MLXIP: variants seen among roughly 807,000 people sequenced by gnomAD.
MLXIP encodes MLX-interacting protein.
Under a neutral mutation model 87.2 loss-of-function variants are expected in MLXIP, and 30 were observed. That is an observed-to-expected ratio of 0.34 (90% confidence interval 0.26 to 0.47). MLXIP has a LOEUF of 0.47. Ranked by LOEUF, MLXIP falls within the 20% of genes least tolerant of loss-of-function variation. The probability of loss-of-function intolerance (pLI) is 1.00; values close to 1 mark genes in which losing one functional copy is unlikely to be tolerated. For synonymous variants in MLXIP, 530 were observed against 514.0 expected, an observed-to-expected ratio of 1.03 and a Z score of -0.42; for missense variants, 1,002 against 1,240.1, an observed-to-expected ratio of 0.81 and a Z score of 2.88.
At position 122,133,556 on chromosome 12, in the gene MLXIP, T is replaced by C. The variant is rs773106076; in HGVS notation, c.1301T>C (p.Met434Thr). 38 of 1,606,814 alleles carry C rather than the reference T, an allele frequency of 2.4e-5. No individual in the cohort carries two copies. Among genetic ancestry groups the C allele is most frequent in the South Asian group, 1.8e-4 (16 of 89,986 alleles). Reference sequence around the variant, plus strand: ...CAGCCCTTCCTCCCTGTCTTCACCATGCCCCTGCTGTCTCCCAGCCCCGCC... The same window carrying C: ...CAGCCCTTCCTCCCTGTCTTCACCACGCCCCTGCTGTCTCCCAGCCCCGCC... ...VPQPFLPVFT[M>T]PLLSPSPAPP... is the part of the protein sequence containing the mutation. Residue 434 changes from methionine (M) to threonine (T), a missense_variant, in exon 9 of 17, where the codon ATG becomes ACG. Transcript: ENST00000319080. This position sits in a 1 kb window ranked among gnomAD's most constrained non-coding sequence, Gnocchi z 4.9.
chr12:122,136,885 C>G (rs993326293), intron 11 of MLXIP: 1 of 152,148 alleles, frequency 6.6e-6, no homozygotes, highest in Non-Finnish European at 1.5e-5. Context: ...TCCGGAGTCT[C>G]AGAACACAGA....
chr12:122,130,946 G>A lies in MLXIP; in HGVS notation c.1000+13G>A, dbSNP rs767035595. ...GAGCCTTTCCAGGGTGAGGACCAGA[G>A]GCAGAGAGAGCACGGTTGCCTCCAT... On this transcript the variant is annotated intron_variant, in intron 7 of 16. Transcript: ENST00000319080. 13 of 1,589,892 alleles carry A rather than the reference G, an allele frequency of 8.2e-6. No homozygotes were observed. Among genetic ancestry groups the A allele is most frequent in the Non-Finnish European group, 1.7e-6 (2 of 1,158,016 alleles).
chr12:122,112,642 A>G (rs1160006893), intron 1 of MLXIP, among the ~76,000 whole-genome samples: 1 of 151,412 alleles, frequency 6.6e-6, no homozygotes, highest in Admixed American at 6.6e-5. Flanking sequence ...GCGAGACTCC[A>G]TCTCAAAAAA....
In MLXIP at chr12:122,135,395, C is replaced by T. The variant is rs1953069161; in HGVS notation, c.1854+50C>T. The T allele has an allele frequency of 1.2e-6, 2 of 1,601,086 alleles. No individual in the cohort carries two copies. On this transcript the variant is annotated intron_variant, in intron 10 of 16. Coordinates refer to ENST00000319080, the MANE Select transcript of MLXIP (RefSeq NM_014938.6). This position sits in a 1 kb window ranked among gnomAD's most constrained non-coding sequence, Gnocchi z 5.3. The stretch of plus-strand genomic sequence containing the variant: ...GCAGTGTCCTTCTCACCCCGGAGCA[C>T]TCTGATCTTGGGCGGCCCTCACCTG...
intron 1 of MLXIP, 110 bp from the exon 2 acceptor site, chr12:122,127,146 G>C: frequency 1.2e-6 from 1 of 831,626 alleles, no homozygotes; most frequent in Admixed American, 2.0e-5. Context: ...GTGTATGGCT[G>C]GGGGTGGATC....
chr12:122,086,136 G>A (rs947916561), intron 1 of MLXIP, among the ~76,000 whole-genome samples: 4 of 152,188 alleles, frequency 2.6e-5, no homozygotes, highest in Non-Finnish European at 4.4e-5. Context: ...AAAAGGCGAG[G>A]GGACGGGTTC....
At chr12:122,126,354 G>GTT (rs1952881118) in intron 1 of MLXIP, among the ~76,000 whole-genome samples, 1 of 152,224 alleles carries the variant, frequency 6.6e-6, no homozygotes, top group South Asian at 2.1e-4. Flanking sequence ...AAGAGCTCCC[G>GTT]TGAGACCGTC....
intron 14 of MLXIP, 52 bp downstream of exon 14, chr12:122,138,603 G>A: frequency 6.4e-7 from 1 of 1,570,272 alleles, no homozygotes; most frequent in South Asian, 1.2e-5. Context: ...CCGATGCAGG[G>A]CCTGCCTCAG....
In MLXIP at chr12:122,105,583, T is replaced by C. The variant is rs188277097; in HGVS notation, c.414-21673T>C. 8.5e-5 allele frequency among the ~76,000 whole-genome samples: 13 copies of C among 152,236 alleles called. No individual in the cohort carries two copies. The East Asian group carries it at 2.3e-3, about 27-fold the overall frequency. On this transcript the variant is annotated intron_variant, in intron 1 of 16. Coordinates refer to ENST00000319080, the MANE Select transcript of MLXIP (RefSeq NM_014938.6). ...AACTCCCGACCTCAGGTGATCTGCC[T>C]GACTCGGCCTCCCAAAGTGCTGGGA...
chr12:122,080,820 C>G (rs1368967208), intron 1 of MLXIP, among the ~76,000 whole-genome samples: 2 of 152,230 alleles, frequency 1.3e-5, no homozygotes, highest in African/African-American at 4.8e-5. Flanking sequence ...GCAGCATATG[C>G]TATGCCTCGA....
intron 1 of MLXIP, among the ~76,000 whole-genome samples, chr12:122,120,284 AC>A (rs1374638330): frequency 6.6e-6 from 1 of 151,396 alleles, no homozygotes; most frequent in Non-Finnish European, 1.5e-5. Flanking sequence ...GTGCAGTGGT[AC>A]AATAGTGGCT....
At chr12:122,097,082 G>A (rs945753779) in intron 1 of MLXIP, among the ~76,000 whole-genome samples, 1 of 152,234 alleles carries the variant, frequency 6.6e-6, no homozygotes, top group African/African-American at 2.4e-5. Context: ...TGGTGCTTCC[G>A]TGGGCCTGTC....
Position 122,141,006 on chromosome 12 carries a change from C to T in MLXIP, c.2561C>T (p.Thr854Ile). 6.2e-7 allele frequency: 1 copy of T among 1,614,024 alleles called. No homozygotes were observed. The highest frequency in any genetic ancestry group is 2.2e-5 in the East Asian group (1 of 44,894). ...LFESFKGMVS[T>I]SSLEELHRTA... ...GAGTCGTTCAAGGGCATGGTGTCCA[C>T]CAGCAGCCTGGAGGAGCTGCACCGG... is the stretch of plus-strand genomic sequence containing the variant. The change falls in exon 16 of 17, where the codon ACC (threonine) becomes ATC (isoleucine). Residue 854 changes from threonine to isoleucine, a missense_variant. Thr to Ile is a moderately conservative substitution (Grantham distance 89, BLOSUM62 -1). Coordinates refer to ENST00000319080, the MANE Select transcript of MLXIP (RefSeq NM_014938.6).
intron 1 of MLXIP, among the ~76,000 whole-genome samples, chr12:122,099,191 C>T (rs1229856588): frequency 6.6e-6 from 1 of 152,208 alleles, no homozygotes; most frequent in African/African-American, 2.4e-5. Context: ...GAACCATGAT[C>T]GTGCCACTGC....
intron 1 of MLXIP, among the ~76,000 whole-genome samples, chr12:122,103,800 A>T (rs1250551074): frequency 6.7e-6 from 1 of 148,628 alleles, no homozygotes; most frequent in African/African-American, 2.5e-5. Context: ...AAGTGCTGGG[A>T]TTACAGGTGT....
Position 122,145,701 on chromosome 12 carries a change from T to C in MLXIP, c.*3889T>C, listed in dbSNP as rs961328158. ...TGAGGTCTCGCTGTCTGCTGGACAG[T>C]ACGTTAGGCTCTCAGAACTCATGGG... is the stretch of plus-strand genomic sequence containing the variant. On this transcript the variant is annotated 3_prime_UTR_variant, in exon 17 of 17. Coordinates refer to ENST00000319080, the MANE Select transcript of MLXIP (RefSeq NM_014938.6). 5 of 152,258 alleles carry C rather than the reference T, an allele frequency of 3.3e-5. No homozygotes were observed. The highest frequency in any genetic ancestry group is 2.6e-4 in the Admixed American group (4 of 15,278). The allele number at this position is 152,258 out of a possible 1,614,324, so 9.4% of individuals were successfully genotyped here.
chr12:122,088,402 A>C (rs1952198958), intron 1 of MLXIP, among the ~76,000 whole-genome samples: 1 of 152,134 alleles, frequency 6.6e-6, no homozygotes, highest in Non-Finnish European at 1.5e-5. Context: ...TTCTAGAAGG[A>C]GGCAGTAGAG....
Position 122,139,064 on chromosome 12 carries a change from CAGTGCT to C in MLXIP, c.2508+131_2508+136del. 5 of 1,406,016 alleles carry C rather than the reference CAGTGCT, an allele frequency of 3.6e-6. No homozygotes were observed. The East Asian group carries it at 1.2e-4, about 35-fold the overall frequency. The allele number at this position is 1,406,016 out of a possible 1,614,324, so 87.1% of individuals were successfully genotyped here. On this transcript the variant is annotated intron_variant, in intron 15 of 16. Coordinates refer to ENST00000319080, the MANE Select transcript of MLXIP (RefSeq NM_014938.6). ...CTGTCACCAAGCTCCTCACGACAGGCAGTGCTAGTGTCTATCTCGGGAGAGAGTGGT... is the reference window on the plus strand; with the variant it reads ...CTGTCACCAAGCTCCTCACGACAGGCAGTGTCTATCTCGGGAGAGAGTGGT...
intron 1 of MLXIP, among the ~76,000 whole-genome samples, chr12:122,093,991 C>T (rs1222625777): frequency 0.022 from 2,452 of 111,784 alleles, 116 homozygotes; most frequent in African/African-American, 0.085. Context: ...TGTGTGTTTG[C>T]GGTGTCTGGT....
Sources: allele counts gnomAD v4.1 joint callset (sites outside exome capture counted in the v4.1 genomes callset), GRCh38; gene constraint gnomAD v4.1.1; non-coding constraint Gnocchi (gnomAD v3.1); transcripts MANE v1.5; gene names NCBI Gene and HGNC (gene_info 2026-07-23, HGNC 2026-07-21).